The following UNC13C variants were observed in gnomAD, a reference collection of about 807,000 sequenced individuals.
The protein encoded by UNC13C is protein unc-13 homolog C.
A neutral mutation model predicts 245.4 loss-of-function variants in UNC13C; 174 were observed. That is an observed-to-expected ratio of 0.71 (90% CI 0.63 to 0.80). The LOEUF is 0.80. Among genes scored for constraint, UNC13C ranks in the 30% least tolerant of loss-of-function variants. The probability of loss-of-function intolerance (pLI) is 0.00; values close to 1 mark genes in which losing one functional copy is unlikely to be tolerated. For missense variants in UNC13C, 2,829 were observed against 2,602.9 expected, an observed-to-expected ratio of 1.09 and a Z score of -1.89; for synonymous variants, 992 against 895.1, an observed-to-expected ratio of 1.11 and a Z score of -1.93.
chr15:54,532,811 G>A (rs968324499), intron 25 of UNC13C, 106 bp from the exon 26 acceptor site: 9 of 735,582 alleles, frequency 1.2e-5, no homozygotes, highest in Non-Finnish European at 1.7e-5. Context: ...TCATGAGCAG[G>A]GGAATTCACA....
chr15:54,613,882 C>A (rs2141294194), intron 30 of UNC13C, among the ~76,000 whole-genome samples: 1 of 152,048 alleles, frequency 6.6e-6, no homozygotes, highest in African/African-American at 2.4e-5. Context: ...GGGCAAAGAT[C>A]TTTCCGTTAT....
At chr15:54,148,358 T>G (rs1052655468) in intron 4 of UNC13C, among the ~76,000 whole-genome samples, 1 of 152,204 alleles carries the variant, frequency 6.6e-6, no homozygotes, top group African/African-American at 2.4e-5. Context: ...TTTCTTAAAT[T>G]TACCTTAATT....
At chr15:54,355,591 C>T (rs2140852247) in intron 17 of UNC13C, among the ~76,000 whole-genome samples, 1 of 152,216 alleles carries the variant, frequency 6.6e-6, no homozygotes, top group African/African-American at 2.4e-5. Context: ...CTCCTGACCT[C>T]AAGTGATGCT....
the UNC13C span, among the ~76,000 whole-genome samples, chr15:53,920,909 TA>T: frequency 6.6e-6 from 1 of 151,076 alleles, no homozygotes; most frequent in African/African-American, 2.4e-5. Flanking sequence ...ACACTTCTAT[TA>T]ATAGCCACAA....
chr15:54,480,202 G>A (rs946425084), intron 19 of UNC13C, among the ~76,000 whole-genome samples: 4 of 151,900 alleles, frequency 2.6e-5, no homozygotes, highest in African/African-American at 7.2e-5. Context: ...GTATTTGAAT[G>A]TCCATATTTA....
chr15:54,324,092 G>A (rs1012629886), intron 14 of UNC13C, among the ~76,000 whole-genome samples: 3 of 152,008 alleles, frequency 2.0e-5, no homozygotes, highest in Non-Finnish European at 4.4e-5. Flanking sequence ...AGGGCCAAAA[G>A]AAAGAGAAAT....
chr15:54,458,489 T>A (rs893853245), intron 19 of UNC13C, among the ~76,000 whole-genome samples: 1 of 152,038 alleles, frequency 6.6e-6, no homozygotes, highest in Non-Finnish European at 1.5e-5. Flanking sequence ...GGAGTTGACA[T>A]TGAAATCTCC....
At chr15:54,356,223 T>C (rs907059034) in intron 17 of UNC13C, among the ~76,000 whole-genome samples, 1 of 152,222 alleles carries the variant, frequency 6.6e-6, no homozygotes, top group African/African-American at 2.4e-5. Context: ...CATAAAAGTA[T>C]GTATCAAATA....
intron 17 of UNC13C, among the ~76,000 whole-genome samples, chr15:54,340,167 G>A (rs758565454): frequency 2.6e-5 from 4 of 152,002 alleles, no homozygotes; most frequent in Non-Finnish European, 5.9e-5. Flanking sequence ...TGAGTTTCTT[G>A]TAGATTCTGG....
At chr15:53,960,018 C>T in the UNC13C span, among the ~76,000 whole-genome samples, 2 of 152,090 alleles carry the variant, frequency 1.3e-5, no homozygotes, top group African/African-American at 2.4e-5. Flanking sequence ...AAAGTTTTTA[C>T]AGTTTACAGT....
intron 4 of UNC13C, among the ~76,000 whole-genome samples, chr15:54,188,184 G>A (rs1292628181): frequency 1.3e-5 from 2 of 152,104 alleles, no homozygotes; most frequent in African/African-American, 4.8e-5. Context: ...TACATAACGG[G>A]ATTGAATACA....
At chr15:54,489,377 A>G (rs971279136) in intron 19 of UNC13C, among the ~76,000 whole-genome samples, 1 of 152,170 alleles carries the variant, frequency 6.6e-6, no homozygotes, top group Non-Finnish European at 1.5e-5. Flanking sequence ...TGAACTTAAC[A>G]AATTTGATTA....
the UNC13C span, among the ~76,000 whole-genome samples, chr15:53,967,331 GTTGTT>G: frequency 1.1e-5 from 1 of 88,868 alleles, no homozygotes; most frequent in African/African-American, 4.3e-5. Context: ...TTTTTTTTTT[GTTGTT>G]TTGTTTTGTT....
chr15:54,031,410 A>G (rs1205646063), intron 2 of UNC13C, among the ~76,000 whole-genome samples: 1 of 152,188 alleles, frequency 6.6e-6, no homozygotes, highest in Non-Finnish European at 1.5e-5. Flanking sequence ...TTTTTAGTAG[A>G]GACGGGGTTT....
chr15:54,350,753 C>T (rs964308644), intron 17 of UNC13C, among the ~76,000 whole-genome samples: 4 of 152,142 alleles, frequency 2.6e-5, no homozygotes, highest in African/African-American at 7.2e-5. Context: ...AGCCATAAAA[C>T]TGCTGTAGTG....
At chr15:54,552,479 ATAATTATATAT>A (rs1896804712) in intron 28 of UNC13C, among the ~76,000 whole-genome samples, 1 of 41,964 alleles carries the variant, frequency 2.4e-5, no homozygotes, top group Non-Finnish European at 3.6e-5. Flanking sequence ...AATATATAAT[ATAATTATATAT>A]TATATTATAT....
chr15:54,613,306 A>C (rs1900224613), intron 30 of UNC13C, among the ~76,000 whole-genome samples: 1 of 151,958 alleles, frequency 6.6e-6, no homozygotes, highest in Non-Finnish European at 1.5e-5. Flanking sequence ...ACAATGATCA[A>C]AATCCCAATA....
intron 17 of UNC13C, among the ~76,000 whole-genome samples, chr15:54,351,894 A>G (rs1180191143): frequency 6.6e-6 from 1 of 152,074 alleles, no homozygotes; most frequent in Non-Finnish European, 1.5e-5. Context: ...CTCTAAAATA[A>G]TGCAATATCT....
chr15:53,923,996 C>T, the UNC13C span, among the ~76,000 whole-genome samples: 1 of 152,262 alleles, frequency 6.6e-6, no homozygotes. Flanking sequence ...CACCTGAGGT[C>T]GGGAGTTCGG....
Sources: allele counts gnomAD v4.1 joint callset (sites outside exome capture counted in the v4.1 genomes callset), GRCh38; gene constraint gnomAD v4.1.1; transcripts MANE v1.5; gene names NCBI Gene and HGNC (gene_info 2026-07-23, HGNC 2026-07-21).